DDX39A: variants seen among roughly 807,000 people sequenced by gnomAD.
DDX39A encodes the protein DExD-box helicase 39A.
In DDX39A, 13 loss-of-function variants were observed where a neutral mutation model predicts 46.3. The ratio of observed to expected loss-of-function variants is 0.28; its 90% CI spans 0.18 to 0.45. The LOEUF is 0.45. Ranked by LOEUF, DDX39A falls within the 20% of genes least tolerant of loss-of-function variation. The pLI, the probability that DDX39A is intolerant of heterozygous loss-of-function variation, is 1.00. For synonymous variants in DDX39A, 234 were observed against 224.6 expected (o/e 1.04, Z -0.38); for missense variants, 352 against 581.8 (o/e 0.61, Z 4.06).
At chr19:14,417,975 C>A (rs1336028997) in intron 1 of DDX39A, among the ~76,000 whole-genome samples, 1 of 151,888 alleles carries the variant, frequency 6.6e-6, no homozygotes, top group Non-Finnish European at 1.5e-5. Context: ...TAGAGACAAG[C>A]CTGGGCAACA....
rs1402777233 is a variant in DDX39A at position 14,409,156 on chromosome 19, T to C, written c.1148A>G (p.Lys383Arg). ...AGACACAAAAGTGATGGCTAGGCCT[T>C]TGGTGCCAAAGCGACCCGCCCGGGC... ...RVARAGRFGT[K>R]GLAITFVSDE... Residue 383 changes from lysine to arginine, a missense_variant, in exon 10 of 11, where the codon AAA (lysine) becomes AGA (arginine). Lys to Arg is a conservative substitution (Grantham distance 26). Around this residue, in one of 3 missense-constraint regions of DDX39A, gnomAD observed 301 missense variants for 469.9 expected, o/e 0.64. Coordinates refer to ENST00000242776, the MANE Select transcript of DDX39A (RefSeq NM_005804.4). This position sits in a 1 kb window ranked among gnomAD's most constrained non-coding sequence, Gnocchi z 8.3. 5 of 1,614,072 alleles carry C rather than the reference T, an allele frequency of 3.1e-6. No homozygotes were observed. Among genetic ancestry groups the C allele is most frequent in the Middle Eastern group, 1.6e-4 (1 of 6,084 alleles).
Position 14,410,650 on chromosome 19 carries a change from C to A in DDX39A, c.614-316G>T. 1 of 522,110 alleles carries A rather than the reference C, an allele frequency of 1.9e-6. No individual in the cohort carries two copies. The highest frequency in any genetic ancestry group is 3.5e-6 in the Non-Finnish European group (1 of 285,868). 32.3% of individuals were successfully genotyped at this position (522,110 alleles called of 1,614,324 possible). A position where few individuals can be genotyped will look rare whatever the true frequency, so the allele number is the denominator to read the frequency against. On this transcript the variant is annotated intron_variant, in intron 5 of 10. Transcript: ENST00000242776. This position sits in a 1 kb window ranked among gnomAD's most constrained non-coding sequence, Gnocchi z 4.3. ...TGGGGTGAGAGCTGCAGCTGCCTCC[C>A]AGGACACAAGCCCATCTCCCACCGG...
chr19:14,417,976 C>T (rs111486107), intron 1 of DDX39A, among the ~76,000 whole-genome samples: 2,349 of 152,096 alleles, frequency 0.015, 58 homozygotes, highest in African/African-American at 0.052. Flanking sequence ...AGAGACAAGC[C>T]TGGGCAACAT....
intron 1 of DDX39A, among the ~76,000 whole-genome samples, chr19:14,415,435 C>T (rs957306522): frequency 2.0e-5 from 3 of 152,042 alleles, no homozygotes; most frequent in African/African-American, 7.2e-5. Flanking sequence ...TCCCTAGTAG[C>T]AGGAGCTACA....
Position 14,410,357 on chromosome 19 carries a change from G to A in DDX39A, c.614-23C>T. 3 of 1,601,998 alleles carry A rather than the reference G, an allele frequency of 1.9e-6. No individual in the cohort carries two copies. Among genetic ancestry groups the A allele is most frequent in the South Asian group, 2.2e-5 (2 of 90,876 alleles). Reference sequence around the variant, plus strand: ...TGTCTAGGTGGGGAGGGCAAGACATGGGTGGGCATGAGCGTCTGCCATGCA... The same window carrying A: ...TGTCTAGGTGGGGAGGGCAAGACATAGGTGGGCATGAGCGTCTGCCATGCA... On this transcript the variant is annotated intron_variant, in intron 5 of 10. Transcript: ENST00000242776. The surrounding 1 kb of genome is among the most constrained non-coding windows in gnomAD (Gnocchi z 4.3).
chr19:14,415,088 T>A (rs1352771183), intron 1 of DDX39A, among the ~76,000 whole-genome samples: 3 of 152,102 alleles, frequency 2.0e-5, no homozygotes, highest in African/African-American at 7.2e-5. Flanking sequence ...CTTCATCACC[T>A]TGAAATAAAA....
chr19:14,410,718 C>T lies in DDX39A; in HGVS notation c.613+271G>A. On this transcript the variant is annotated intron_variant, in intron 5 of 10. Transcript: ENST00000242776. This position sits in a 1 kb window ranked among gnomAD's most constrained non-coding sequence, Gnocchi z 4.3. ...GAGGGCAGGCGGGGCCTGGAACCAA[C>T]CCAACAGGTGGCAGAAGCCTCATAC... 1.9e-6 allele frequency: 1 copy of T among 521,296 alleles called. No individual in the cohort carries two copies. Among genetic ancestry groups the T allele is most frequent in the South Asian group, 2.4e-5 (1 of 42,138 alleles). 32.3% of individuals were successfully genotyped at this position (521,296 alleles called of 1,614,324 possible).
chr19:14,418,567 C>A (rs1383851871), intron 1 of DDX39A, among the ~76,000 whole-genome samples: 2 of 152,180 alleles, frequency 1.3e-5, no homozygotes, highest in South Asian at 2.1e-4. Context: ...AAGCGATTCT[C>A]GTGCCTCAGC....
Position 14,409,958 on chromosome 19 carries a change from T to C in DDX39A, c.733-85A>G. ...CCAGAACCTTCCAGTGGGCGACTCC[T>C]TTGTGCGACACTTCCCAGAGGACCT... On this transcript the variant is annotated intron_variant, in intron 6 of 10. Transcript: ENST00000242776. The surrounding 1 kb of genome is among the most constrained non-coding windows in gnomAD (Gnocchi z 8.3). 6.6e-7 allele frequency: 1 copy of C among 1,524,500 alleles called. No homozygotes were observed. Among genetic ancestry groups the C allele is most frequent in the South Asian group, 1.1e-5 (1 of 88,816 alleles). The allele number at this position is 1,524,500 out of a possible 1,614,324, so 94.4% of individuals were successfully genotyped here. A position where few individuals can be genotyped will look rare whatever the true frequency, so the allele number is the denominator to read the frequency against.
intron 1 of DDX39A, chr19:14,416,553 C>G (rs1473051877): frequency 6.6e-6 from 1 of 152,362 alleles, no homozygotes; most frequent in African/African-American, 2.4e-5. Flanking sequence ...GCAGGGAAAA[C>G]AGGAGCCAAG....
At position 14,410,517 on chromosome 19, in the gene DDX39A, G is replaced by A. The variant is rs978546384; in HGVS notation, c.614-183C>T. The A allele has an allele frequency of 8.6e-5, 53 of 615,308 alleles. No homozygotes were observed. Among genetic ancestry groups the A allele is most frequent in the Middle Eastern group, 8.8e-4 (2 of 2,264 alleles). The allele number at this position is 615,308 out of a possible 1,614,324, so 38.1% of individuals were successfully genotyped here. On this transcript the variant is annotated intron_variant, in intron 5 of 10. Coordinates refer to ENST00000242776, the MANE Select transcript of DDX39A (RefSeq NM_005804.4). This position sits in a 1 kb window ranked among gnomAD's most constrained non-coding sequence, Gnocchi z 4.3. ...AGGGGCTGGGGGGTGGCCAGCGAGCGCAGGCGCGGGAGGAGCTGCAATCCA... is the reference window on the plus strand; with the variant it reads ...AGGGGCTGGGGGGTGGCCAGCGAGCACAGGCGCGGGAGGAGCTGCAATCCA...
Position 14,410,735 on chromosome 19 carries a change from G to C in DDX39A, c.613+254C>G. On this transcript the variant is annotated intron_variant, in intron 5 of 10. Transcript: ENST00000242776. This position sits in a 1 kb window ranked among gnomAD's most constrained non-coding sequence, Gnocchi z 4.3. ...GGAACCAACCCAACAGGTGGCAGAA[G>C]CCTCATACTCCCAGAGGTATGTGTG... is the stretch of plus-strand genomic sequence containing the variant. 1 of 530,722 alleles carries C rather than the reference G, an allele frequency of 1.9e-6. No individual in the cohort carries two copies. The highest frequency in any genetic ancestry group is 3.4e-6 in the Non-Finnish European group (1 of 294,568). 32.9% of individuals were successfully genotyped at this position (530,722 alleles called of 1,614,324 possible). A position where few individuals can be genotyped will look rare whatever the true frequency, so the allele number is the denominator to read the frequency against.
chr19:14,415,984 T>G (rs1194385862), intron 1 of DDX39A: 1 of 158,688 alleles, frequency 6.3e-6, no homozygotes, highest in Non-Finnish European at 1.4e-5. Context: ...GAGAATCACT[T>G]GAACCTAGGA....
intron 1 of DDX39A, among the ~76,000 whole-genome samples, chr19:14,415,302 T>C (rs941740045): frequency 6.6e-6 from 1 of 152,040 alleles, no homozygotes; most frequent in Non-Finnish European, 1.5e-5. Flanking sequence ...CCCTTCCTTT[T>C]TTTTCCCCCC....
In DDX39A at chr19:14,412,398, A is replaced by G; in HGVS notation, c.336+153T>C. ...GGCTGGAGTGCAGTGGTGTGATCAT[A>G]GCACACTGCAGCCTCGACTTCCTGG... On this transcript the variant is annotated intron_variant, in intron 3 of 10. Transcript: ENST00000242776. This position sits in a 1 kb window ranked among gnomAD's most constrained non-coding sequence, Gnocchi z 4.4. 9.9e-7 allele frequency: 1 copy of G among 1,007,424 alleles called. No homozygotes were observed. Among genetic ancestry groups the G allele is most frequent in the Non-Finnish European group, 1.4e-6 (1 of 693,044 alleles). The allele number at this position is 1,007,424 out of a possible 1,614,324, so 62.4% of individuals were successfully genotyped here.
In DDX39A at chr19:14,412,094, C is replaced by T. The variant is rs1242926880; in HGVS notation, c.336+457G>A. On this transcript the variant is annotated intron_variant, in intron 3 of 10. Coordinates refer to ENST00000242776, the MANE Select transcript of DDX39A (RefSeq NM_005804.4). The surrounding 1 kb of genome is among the most constrained non-coding windows in gnomAD (Gnocchi z 4.4). ...CTGGCCTGACTCGGGAGCAAGACACCAGAATTCACTGAAGTGTCTCCCCAG... is the reference window on the plus strand; with the variant it reads ...CTGGCCTGACTCGGGAGCAAGACACTAGAATTCACTGAAGTGTCTCCCCAG... Among the ~76,000 whole-genome samples the T allele has an allele frequency of 6.6e-6, 1 of 152,148 alleles. No homozygotes were observed. The highest frequency in any genetic ancestry group is 2.1e-4 in the South Asian group (1 of 4,828).
At chr19:14,419,364 T>G, upstream of DDX39A, 1 of 213,504 alleles carries the variant, frequency 4.7e-6, no homozygotes, top group South Asian at 4.7e-5. Flanking sequence ...GCTTCCTGCC[T>G]CTTGCGTCGG....
At position 14,409,528 on chromosome 19, in the gene DDX39A, G is replaced by C; in HGVS notation, c.974+8C>G. On this transcript the variant is annotated splice_region_variant and intron_variant, in intron 8 of 10. Transcript: ENST00000242776. This position sits in a 1 kb window ranked among gnomAD's most constrained non-coding sequence, Gnocchi z 8.3. ...TCCCTGCAGCCTTGGCGGGCGGCTC[G>C]CACTCACCGCTCCTCCTGGGCCATG... 8 of 1,608,504 alleles carry C rather than the reference G, an allele frequency of 5.0e-6. No individual in the cohort carries two copies. Among genetic ancestry groups the C allele is most frequent in the Non-Finnish European group, 6.8e-6 (8 of 1,178,516 alleles).
Position 14,410,864 on chromosome 19 carries a change from C to T in DDX39A, c.613+125G>A, listed in dbSNP as rs190650055. 4 of 907,144 alleles carry T rather than the reference C, an allele frequency of 4.4e-6. No homozygotes were observed. In the Admixed American group the frequency reaches 9.5e-5, roughly 21 times the overall value. The allele number at this position is 907,144 out of a possible 1,614,324, so 56.2% of individuals were successfully genotyped here. On this transcript the variant is annotated intron_variant, in intron 5 of 10. Transcript: ENST00000242776. This position sits in a 1 kb window ranked among gnomAD's most constrained non-coding sequence, Gnocchi z 4.3. ...TCCCTCTGCCAGCAGCAGAGCTTTC[C>T]CCAAGATCACCACAGGAGCCCCGCC...
Sources: allele counts gnomAD v4.1 joint callset (sites outside exome capture counted in the v4.1 genomes callset), GRCh38; gene constraint gnomAD v4.1.1; regional missense constraint gnomAD v4.1.1; non-coding constraint Gnocchi (gnomAD v3.1); transcripts MANE v1.5; gene names NCBI Gene and HGNC (gene_info 2026-07-23, HGNC 2026-07-21).